FNIP2: variants seen among roughly 807,000 people sequenced by gnomAD.
FNIP2 encodes the protein folliculin-interacting protein 2.
In FNIP2, 32 loss-of-function variants were observed where a neutral mutation model predicts 108.7. The ratio of observed to expected loss-of-function variants is 0.29; its 90% CI spans 0.22 to 0.40. FNIP2 has a LOEUF of 0.40. FNIP2 is among the 10% of genes least tolerant of loss of function. FNIP2 has a pLI of 1.00. For synonymous variants in FNIP2, 480 were observed against 496.7 expected, an observed-to-expected ratio of 0.97 and a Z score of 0.45; for missense variants, 1,202 against 1,381.6, an observed-to-expected ratio of 0.87 and a Z score of 2.06.
rs567452251 is a variant in FNIP2 at position 158,895,246 on chromosome 4, G to A, written c.3151-504G>A. 1.0e-3 allele frequency among the ~76,000 whole-genome samples: 157 copies of A among 152,232 alleles called. 1 individual carries two copies. Among genetic ancestry groups the A allele is most frequent in the Non-Finnish European group, 1.3e-3 (91 of 68,006 alleles). On this transcript the variant is annotated intron_variant, in intron 15 of 16. Transcript: ENST00000264433. ...GGGAGGTTCAAAATGACCTGTTCCC[G>A]TCAGTCTCCTCTGGAAATGTACTGG...
At chr4:158,878,634 C>T (rs950780133) in intron 14 of FNIP2, among the ~76,000 whole-genome samples, 1 of 152,098 alleles carries the variant, frequency 6.6e-6, no homozygotes, top group African/African-American at 2.4e-5. Context: ...GAAAATGAAA[C>T]ATAGCTCCAG....
chr4:158,827,951 A>T (rs1373451623), intron 2 of FNIP2, among the ~76,000 whole-genome samples: 1 of 152,144 alleles, frequency 6.6e-6, no homozygotes, highest in African/African-American at 2.4e-5. Context: ...CTGCAATTGC[A>T]TTCATGTTTT....
At chr4:158,844,149 C>G (rs1415208360) in intron 7 of FNIP2, among the ~76,000 whole-genome samples, 1 of 152,194 alleles carries the variant, frequency 6.6e-6, no homozygotes, top group Admixed American at 6.6e-5. Context: ...TTTGTTTGTT[C>G]TTCTTCTCCC....
intron 1 of FNIP2, among the ~76,000 whole-genome samples, chr4:158,823,187 T>A (rs2126552941): frequency 6.6e-6 from 1 of 152,336 alleles, no homozygotes. Context: ...AATCTGATTT[T>A]TTTTACTTTT....
intron 16 of FNIP2, among the ~76,000 whole-genome samples, chr4:158,900,853 A>G (rs140671792): frequency 0.013 from 1,961 of 152,236 alleles, 17 homozygotes; most frequent in Non-Finnish European, 0.02. Flanking sequence ...TAATATTGTT[A>G]TATGTGAATG....
intron 12 of FNIP2, among the ~76,000 whole-genome samples, chr4:158,867,106 CT>C (rs1780626438): frequency 6.6e-6 from 1 of 152,220 alleles, no homozygotes; most frequent in South Asian, 2.1e-4. Context: ...CTTAAGCTGA[CT>C]GTAGAGCTCA....
In FNIP2 at chr4:158,902,146, G is replaced by A. The variant is rs535149703; in HGVS notation, c.3267-2320G>A. On this transcript the variant is annotated intron_variant, in intron 16 of 16. Coordinates refer to ENST00000264433, the MANE Select transcript of FNIP2 (RefSeq NM_020840.3). Reference sequence around the variant, plus strand: ...GATTTATCTACCTTTGGTCTTTTACGTTGGTGACCTTCGGATGGGGTCTCT... The same window carrying A: ...GATTTATCTACCTTTGGTCTTTTACATTGGTGACCTTCGGATGGGGTCTCT... 3.3e-5 allele frequency among the ~76,000 whole-genome samples: 5 copies of A among 152,112 alleles called. No homozygotes were observed. In the East Asian group the frequency reaches 5.8e-4, roughly 18 times the overall value.
chr4:158,813,284 A>AG (rs1333201360), intron 1 of FNIP2, among the ~76,000 whole-genome samples: 1 of 152,198 alleles, frequency 6.6e-6, no homozygotes, highest in Non-Finnish European at 1.5e-5. Context: ...AACTCTTCCA[A>AG]GACAACTGCA....
At position 158,851,363 on chromosome 4, in the gene FNIP2, G is replaced by A; in HGVS notation, c.770G>A (p.Ser257Asn). The A allele has an allele frequency of 6.2e-7, 1 of 1,613,878 alleles. No individual in the cohort carries two copies. Among genetic ancestry groups the A allele is most frequent in the Non-Finnish European group, 8.5e-7 (1 of 1,179,876 alleles). The change falls in exon 8 of 17, where the codon AGC becomes AAC. Residue 257 changes from serine to asparagine, a missense_variant. This residue lies in a region of FNIP2 where 878 missense variants were observed against 990.3 expected (regional missense o/e 0.89). Coordinates refer to ENST00000264433, the MANE Select transcript of FNIP2 (RefSeq NM_020840.3). ...SLLITPFPSP[S>N]SSTSSSSSYQ... ...TTGATCACACCTTTCCCATCTCCAAGCTCCTCTACATCTTCTTCCAGCAGT... is the reference window on the plus strand; with the variant it reads ...TTGATCACACCTTTCCCATCTCCAAACTCCTCTACATCTTCTTCCAGCAGT...
rs1417055950 is a variant in FNIP2 at position 158,870,485 on chromosome 4, G to A, written c.2949+16G>A. 1.3e-5 allele frequency: 20 copies of A among 1,595,234 alleles called. No homozygotes were observed. Among genetic ancestry groups the A allele is most frequent in the Middle Eastern group, 1.7e-4 (1 of 6,058 alleles). On this transcript the variant is annotated intron_variant, in intron 14 of 16. Coordinates refer to ENST00000264433, the MANE Select transcript of FNIP2 (RefSeq NM_020840.3). ...CACAGTCCATGTAAGTGATCCCAGT[G>A]TGGAGCCTCTGGCTGCTGACAGTGT...
chr4:158,790,892 G>T (rs549561414), intron 1 of FNIP2, among the ~76,000 whole-genome samples: 3 of 151,284 alleles, frequency 2.0e-5, no homozygotes, highest in Non-Finnish European at 2.9e-5. Context: ...CTTCTTATTT[G>T]GAGAGTTAGA....
intron 12 of FNIP2, among the ~76,000 whole-genome samples, chr4:158,867,120 G>GT (rs1780627115): frequency 1.3e-5 from 2 of 152,206 alleles, no homozygotes; most frequent in African/African-American, 4.8e-5. Context: ...AGAGCTCACA[G>GT]TACATTAGTC....
At chr4:158,853,241 T>C (rs1290172611) in intron 8 of FNIP2, among the ~76,000 whole-genome samples, 1 of 152,198 alleles carries the variant, frequency 6.6e-6, no homozygotes, top group Non-Finnish European at 1.5e-5. Flanking sequence ...TTTCAGTGGA[T>C]ATAATTGAAA....
rs184847308 is a variant in FNIP2, at chr4:158,891,665, A to G, written c.3150+19A>G. 15 of 1,578,394 alleles carry G rather than the reference A, an allele frequency of 9.5e-6. No individual in the cohort carries two copies. In the African/African-American group the frequency reaches 1.2e-4, roughly 13 times the overall value. Reference sequence around the variant, plus strand: ...TGATTTTGTAAGTACTGGTTCTTATATCACCAAAGAAATCTAGTTTTAAAA... The same window carrying G: ...TGATTTTGTAAGTACTGGTTCTTATGTCACCAAAGAAATCTAGTTTTAAAA... On this transcript the variant is annotated intron_variant, in intron 15 of 16. Transcript: ENST00000264433.
chr4:158,827,343 A>G (rs1287606787), intron 2 of FNIP2, among the ~76,000 whole-genome samples: 4 of 152,208 alleles, frequency 2.6e-5, no homozygotes, highest in Non-Finnish European at 5.9e-5. Context: ...GGCTGCTCAT[A>G]GTGGTGGCAG....
chr4:158,864,839 A>G (rs937822280), intron 12 of FNIP2, among the ~76,000 whole-genome samples: 1 of 151,192 alleles, frequency 6.6e-6, no homozygotes, highest in Non-Finnish European at 1.5e-5. Context: ...GCTTCACCCC[A>G]GTTCTCTATC....
chr4:158,841,422 G>A (rs1779125759), intron 7 of FNIP2, among the ~76,000 whole-genome samples: 1 of 152,290 alleles, frequency 6.6e-6, no homozygotes, highest in Middle Eastern at 3.4e-3. Flanking sequence ...AACAAGTCAG[G>A]TTCTTTATTA....
chr4:158,776,150 G>A (rs559777729), intron 1 of FNIP2, among the ~76,000 whole-genome samples: 32 of 152,266 alleles, frequency 2.1e-4, no homozygotes, highest in Admixed American at 8.5e-4. Flanking sequence ...TTCATGCAGG[G>A]TGTCTAAGTG....
chr4:158,825,901 C>T lies in FNIP2; in HGVS notation c.108-15C>T. 1 of 1,601,136 alleles carries T rather than the reference C, an allele frequency of 6.2e-7. No individual in the cohort carries two copies. The highest frequency in any genetic ancestry group is 8.5e-7 in the Non-Finnish European group (1 of 1,170,368). ...TGCAGATAACATAACTTCTTTTGCC[C>T]TTTTTAATCCACAGTTGGTCATGTT... On this transcript the variant is annotated splice_polypyrimidine_tract_variant and intron_variant, in intron 1 of 16. Transcript: ENST00000264433.
Sources: allele counts gnomAD v4.1 joint callset (sites outside exome capture counted in the v4.1 genomes callset), GRCh38; gene constraint gnomAD v4.1.1; regional missense constraint gnomAD v4.1.1; transcripts MANE v1.5; gene names NCBI Gene and HGNC (gene_info 2026-07-23, HGNC 2026-07-21).